The following ADAMTS5 variants were observed in gnomAD, a reference collection of about 807,000 sequenced individuals.
ADAMTS5 encodes ADAM metallopeptidase with thrombospondin type 1 motif 5.
Under a neutral mutation model 81.4 loss-of-function variants are expected in ADAMTS5, and 54 were observed. The observed-to-expected ratio is 0.66, with a 90% CI of 0.53 to 0.83. The LOEUF (loss-of-function observed/expected upper bound fraction) is 0.83. ADAMTS5 is among the 40% of genes least tolerant of loss of function. The probability of loss-of-function intolerance (pLI) is 0.00; values close to 1 mark genes in which losing one functional copy is unlikely to be tolerated. For missense variants in ADAMTS5, 1,194 were observed against 1,229.9 expected, an observed-to-expected ratio of 0.97 and a Z score of 0.44; for synonymous variants, 532 against 508.8, an observed-to-expected ratio of 1.05 and a Z score of -0.61.
intron 1 of ADAMTS5, among the ~76,000 whole-genome samples, chr21:26,960,514 A>C (rs1987509689): frequency 6.6e-6 from 1 of 152,184 alleles, no homozygotes; most frequent in Admixed American, 6.5e-5. Context: ...AGAAGAAGTG[A>C]TACCCAAGAG....
chr21:26,946,285 A>G (rs1208314863), intron 2 of ADAMTS5, among the ~76,000 whole-genome samples: 1 of 152,228 alleles, frequency 6.6e-6, no homozygotes. Flanking sequence ...CCCCCAGTCA[A>G]TTATGCTAAG....
At chr21:26,930,258 A>AT (rs1337124803) in intron 6 of ADAMTS5, among the ~76,000 whole-genome samples, 197 bp from the exon 7 acceptor site, 1 of 152,004 alleles carries the variant, frequency 6.6e-6, no homozygotes, top group Non-Finnish European at 1.5e-5. Flanking sequence ...CAGAAAGCAG[A>AT]TTTTGGATAA....
Position 26,923,352 on chromosome 21 carries a change from AC to A in ADAMTS5, c.*700del, listed in dbSNP as rs374202103. The A allele has an allele frequency of 5.3e-5, 8 of 152,218 alleles. No individual in the cohort carries two copies. The East Asian group carries it at 9.7e-4, about 18-fold the overall frequency. The allele number at this position is 152,218 out of a possible 1,614,324, so 9.4% of individuals were successfully genotyped here. A position where few individuals can be genotyped will look rare whatever the true frequency, so the allele number is the denominator to read the frequency against. ...GGCAGTCAAAGGTTTAAGTAAATGAACCCGTGTATGTATTTAAGTGACTAGA... is the reference window on the plus strand; with the variant it reads ...GGCAGTCAAAGGTTTAAGTAAATGAACCGTGTATGTATTTAAGTGACTAGA... On this transcript the variant is annotated 3_prime_UTR_variant, in exon 8 of 8. Coordinates refer to ENST00000284987, the MANE Select transcript of ADAMTS5 (RefSeq NM_007038.5).
intron 3 of ADAMTS5, among the ~76,000 whole-genome samples, chr21:26,934,972 T>C (rs920313401): frequency 1.3e-5 from 2 of 152,110 alleles, no homozygotes; most frequent in Non-Finnish European, 2.9e-5. Context: ...CCGGAGTGTC[T>C]GTAACAACAG....
At chr21:26,964,615 A>T (rs889813219) in intron 1 of ADAMTS5, among the ~76,000 whole-genome samples, 5 of 152,166 alleles carry the variant, frequency 3.3e-5, no homozygotes, top group African/African-American at 1.2e-4. Flanking sequence ...GTTGTTAAGG[A>T]ACCTCACAAG....
chr21:26,927,676 G>A (rs1986829550), intron 7 of ADAMTS5, among the ~76,000 whole-genome samples: 1 of 152,148 alleles, frequency 6.6e-6, no homozygotes, highest in Non-Finnish European at 1.5e-5. Context: ...AGCCATTGGA[G>A]GCTACTGATC....
chr21:26,930,380 T>G (rs1986885473), intron 6 of ADAMTS5, among the ~76,000 whole-genome samples: 1 of 152,238 alleles, frequency 6.6e-6, no homozygotes, highest in Non-Finnish European at 1.5e-5. Flanking sequence ...AGTAATCTTT[T>G]CACTTAGTGT....
intron 4 of ADAMTS5, 76 bp downstream of exon 4, chr21:26,934,385 GAGAAC>G: frequency 6.5e-7 from 1 of 1,527,492 alleles, no homozygotes; most frequent in East Asian, 2.3e-5. Context: ...AAAGCCTTCT[GAGAAC>G]AGTGCCCATA....
intron 4 of ADAMTS5, among the ~76,000 whole-genome samples, chr21:26,933,524 C>A (rs540382257): frequency 6.6e-6 from 1 of 152,356 alleles, no homozygotes; most frequent in South Asian, 2.1e-4. Flanking sequence ...CATCCCACAT[C>A]CTGTCTGTGA....
intron 1 of ADAMTS5, among the ~76,000 whole-genome samples, chr21:26,961,932 A>G (rs769604600): frequency 3.0e-4 from 46 of 152,188 alleles, no homozygotes; most frequent in Non-Finnish European, 5.9e-4. Context: ...GTGGTAAAGG[A>G]GAAATGCCGT....
At chr21:26,939,375 T>C (rs1304609647) in intron 3 of ADAMTS5, among the ~76,000 whole-genome samples, 1 of 152,238 alleles carries the variant, frequency 6.6e-6, no homozygotes, top group Non-Finnish European at 1.5e-5. Context: ...TTTCACACTC[T>C]ATTAAAGAGC....
intron 3 of ADAMTS5, among the ~76,000 whole-genome samples, chr21:26,935,313 A>T (rs190532572): frequency 6.6e-6 from 1 of 152,248 alleles, no homozygotes; most frequent in African/African-American, 2.4e-5. Context: ...CTCGACAAGC[A>T]TTTGTTCAGC....
chr21:26,955,254 T>A (rs1293730926), intron 1 of ADAMTS5, among the ~76,000 whole-genome samples: 1 of 152,362 alleles, frequency 6.6e-6, no homozygotes, highest in East Asian at 1.9e-4. Context: ...TCTGGCCTTA[T>A]AATTTGTTTT....
intron 3 of ADAMTS5, among the ~76,000 whole-genome samples, chr21:26,938,840 T>C (rs989966654): frequency 4.3e-4 from 66 of 152,156 alleles, no homozygotes; most frequent in African/African-American, 1.6e-3. Flanking sequence ...CTCAAAGTTG[T>C]TGTTCTTTAT....
chr21:26,934,444 G>T (rs761867888), intron 4 of ADAMTS5, 22 bp downstream of exon 4: 18 of 1,612,732 alleles, frequency 1.1e-5, no homozygotes, highest in South Asian at 2.2e-5. Context: ...TCCAGGCATT[G>T]ACTGATGAGA....
chr21:26,965,642 T>A lies in ADAMTS5; in HGVS notation c.750A>T (p.Ser250=). 6.3e-7 allele frequency: 1 copy of A among 1,596,590 alleles called. No homozygotes were observed. Among genetic ancestry groups the A allele is most frequent in the Non-Finnish European group, 8.5e-7 (1 of 1,173,756 alleles). ...DQSALSPAGG[S]GPQTWWRRRR... ...GCCGCCGCCACCACGTCTGCGGTCC[T>A]GAGCCCCCAGCGGGCGAGAGAGCGG... The change falls in exon 1 of 8, where the codon TCA becomes TCT. Residue 250 remains serine, a synonymous_variant. Transcript: ENST00000284987.
intron 3 of ADAMTS5, among the ~76,000 whole-genome samples, chr21:26,942,131 C>T (rs995869798): frequency 6.6e-6 from 1 of 152,020 alleles, no homozygotes; most frequent in Admixed American, 6.6e-5. Flanking sequence ...GCAGCTAAAG[C>T]CTTACCTGTT....
intron 4 of ADAMTS5, among the ~76,000 whole-genome samples, chr21:26,933,398 C>G (rs1052455268): frequency 1.3e-5 from 2 of 152,186 alleles, no homozygotes; most frequent in African/African-American, 2.4e-5. Flanking sequence ...TTTTTGTCCA[C>G]TCTGATGTTG....
chr21:26,950,065 A>C (rs1987289539), intron 2 of ADAMTS5, among the ~76,000 whole-genome samples: 1 of 152,200 alleles, frequency 6.6e-6, no homozygotes, highest in Admixed American at 6.5e-5. Flanking sequence ...CCACTTCCTA[A>C]GTCTCAGCTG....
Sources: gnomAD v4.1 joint callset for allele counts (sites outside exome capture counted in the v4.1 genomes callset) on GRCh38, gnomAD v4.1.1 for gene constraint, MANE v1.5 for transcripts, NCBI Gene and HGNC (gene_info 2026-07-23, HGNC 2026-07-21) for gene names.